CD226: variants seen among roughly 807,000 people sequenced by gnomAD.
The protein encoded by CD226 is CD226 molecule, also known as CD226 antigen.
A neutral mutation model predicts 34.9 loss-of-function variants in CD226; 24 were observed. The observed-to-expected ratio is 0.69, with a 90% CI of 0.50 to 0.97. The LOEUF is 0.97. Ranked by LOEUF, CD226 falls within the 50% of genes least tolerant of loss-of-function variation. CD226 has a pLI of 0.00. For missense variants in CD226, 397 were observed against 412.7 expected (o/e 0.96, Z 0.33); for synonymous variants, 148 against 147.4 (o/e 1.00, Z -0.03).
intron 2 of CD226, among the ~76,000 whole-genome samples, chr18:69,917,869 T>C (rs762388480): frequency 6.6e-6 from 1 of 152,198 alleles, no homozygotes; most frequent in African/African-American, 2.4e-5. Flanking sequence ...AGGGAAGTTA[T>C]AGTGAAGGAA....
chr18:69,953,033 A>G (rs1393464760), intron 1 of CD226, among the ~76,000 whole-genome samples: 3 of 152,224 alleles, frequency 2.0e-5, no homozygotes, highest in Non-Finnish European at 4.4e-5. Flanking sequence ...ATCTACTAGG[A>G]TGGACATAAT....
intron 2 of CD226, among the ~76,000 whole-genome samples, chr18:69,917,089 T>C (rs1237322884): frequency 1.3e-5 from 2 of 152,212 alleles, no homozygotes; most frequent in Non-Finnish European, 2.9e-5. Context: ...CAGGTGGTAA[T>C]GACAAGGGCC....
Position 69,855,118 on chromosome 18 carries a change from A to C in CD226, c.*9196T>G, listed in dbSNP as rs1599360730. 8.6e-6 allele frequency: 1 copy of C among 116,012 alleles called. No individual in the cohort carries two copies. The highest frequency in any genetic ancestry group is 3.3e-4 in the East Asian group (1 of 3,026). The allele number at this position is 116,012 out of a possible 1,614,324, so 7.2% of individuals were successfully genotyped here. ...ACACCAGATCTGGCTTGCAACAAAA[A>C]ATTCAAAAAAAATGTCAAAGAACGT... On this transcript the variant is annotated 3_prime_UTR_variant, in exon 6 of 6. Transcript: ENST00000582621.
Position 69,861,521 on chromosome 18 carries a change from C to T in CD226, c.*2793G>A, listed in dbSNP as rs2145165044. On this transcript the variant is annotated 3_prime_UTR_variant, in exon 6 of 6. Coordinates refer to ENST00000582621, the MANE Select transcript of CD226 (RefSeq NM_001303618.2). ...GAAGCATAGATTCTTAATGTATTATCCATCGATATAAATTATATGTGTATA... is the reference window on the plus strand; with the variant it reads ...GAAGCATAGATTCTTAATGTATTATTCATCGATATAAATTATATGTGTATA... 1 of 95,158 alleles carries T rather than the reference C, an allele frequency of 1.1e-5. No individual in the cohort carries two copies. The highest frequency in any genetic ancestry group is 3.6e-4 in the South Asian group (1 of 2,814). The allele number at this position is 95,158 out of a possible 1,614,324, so 5.9% of individuals were successfully genotyped here. A position where few individuals can be genotyped will look rare whatever the true frequency, so the allele number is the denominator to read the frequency against.
Position 69,895,701 on chromosome 18 carries a change from C to T in CD226, c.727G>A (p.Gly243Ser). 6.2e-7 allele frequency: 1 copy of T among 1,608,114 alleles called. No homozygotes were observed. The highest frequency in any genetic ancestry group is 1.1e-5 in the South Asian group (1 of 90,948). Residue 243 changes from glycine (G) to serine (S), a missense_variant and splice_region_variant, in exon 3 of 6, where the codon GGT becomes AGT. By Grantham distance (56) the Gly-to-Ser change is moderately conservative. Transcript: ENST00000582621. ...CAGAAGATGTCTGGTGCTCACTCAC[C>T]CTCGGCTACAGTCAATCTCATCACG... Reference protein sequence around the residue: ...TFVMRLTVAEGKTDNQYTLFV... With the variant: ...TFVMRLTVAESKTDNQYTLFV...
intron 3 of CD226, among the ~76,000 whole-genome samples, chr18:69,891,541 ATAT>A (rs1984904403): frequency 6.6e-6 from 1 of 152,220 alleles, no homozygotes; most frequent in African/African-American, 2.4e-5. Context: ...GGAAGAAGTA[ATAT>A]TATCTCTGTT....
intron 3 of CD226, among the ~76,000 whole-genome samples, chr18:69,886,614 A>C (rs1307210570): frequency 6.6e-6 from 1 of 152,046 alleles, no homozygotes. Flanking sequence ...GCTGAGGCAG[A>C]AGAATCGCTT....
chr18:69,944,773 C>G (rs934330339), intron 2 of CD226, among the ~76,000 whole-genome samples: 2 of 152,298 alleles, frequency 1.3e-5, no homozygotes, highest in African/African-American at 4.8e-5. Context: ...AACTTCCAAG[C>G]AGGATTTAAC....
At chr18:69,941,844 T>C (rs896409653) in intron 2 of CD226, among the ~76,000 whole-genome samples, 2 of 152,176 alleles carry the variant, frequency 1.3e-5, no homozygotes, top group African/African-American at 4.8e-5. Context: ...GGCAAAATGA[T>C]ATAATTTGGC....
chr18:69,876,191 A>G (rs1005205114), intron 3 of CD226, among the ~76,000 whole-genome samples: 2 of 152,250 alleles, frequency 1.3e-5, no homozygotes, highest in African/African-American at 4.8e-5. Context: ...AGGCAAATAC[A>G]GTACCAAAAA....
At chr18:69,873,290 A>G (rs1983657746) in intron 3 of CD226, 44 bp from the exon 4 acceptor site, 1 of 1,022,134 alleles carries the variant, frequency 9.8e-7, no homozygotes, top group Admixed American at 2.0e-5. Flanking sequence ...AATTCAGCCA[A>G]AGGCAGTAAA....
Position 69,946,853 on chromosome 18 carries a change from G to C in CD226, c.263C>G (p.Ser88Cys), listed in dbSNP as rs1568208618. ...RVYFLNSTMA[S>C]NNMTLFFRNA... ...CCGAAAGAAAAGAGTCATGTTATTG[G>C]AAGCCATCGTTGAATTCAAAAAGTA... Residue 88 changes from serine (S) to cysteine (C), a missense_variant, in exon 2 of 6, where the codon TCC (serine) becomes TGC (cysteine). By Grantham distance (112) the Ser-to-Cys change is moderately radical (BLOSUM62 -1). Coordinates refer to ENST00000582621, the MANE Select transcript of CD226 (RefSeq NM_001303618.2). 6.2e-7 allele frequency: 1 copy of C among 1,614,112 alleles called. No individual in the cohort carries two copies. The highest frequency in any genetic ancestry group is 8.5e-7 in the Non-Finnish European group (1 of 1,179,994).
At chr18:69,953,277 A>G (rs1196020752) in intron 1 of CD226, among the ~76,000 whole-genome samples, 2 of 152,244 alleles carry the variant, frequency 1.3e-5, no homozygotes, top group Non-Finnish European at 2.9e-5. Context: ...TTACAGCAGC[A>G]TTATTCACAA....
At chr18:69,919,740 G>A (rs2055428420) in intron 2 of CD226, among the ~76,000 whole-genome samples, 1 of 152,114 alleles carries the variant, frequency 6.6e-6, no homozygotes, top group Non-Finnish European at 1.5e-5. Context: ...ATAAATACTA[G>A]TACCAAGAGA....
intron 3 of CD226, among the ~76,000 whole-genome samples, chr18:69,880,000 C>T (rs538523633): frequency 2.6e-5 from 4 of 152,194 alleles, no homozygotes; most frequent in Admixed American, 1.3e-4. Context: ...GTCACCATAT[C>T]GATCTGTGAA....
intron 2 of CD226, among the ~76,000 whole-genome samples, chr18:69,902,752 T>C (rs932739513): frequency 2.0e-5 from 3 of 151,936 alleles, no homozygotes; most frequent in Admixed American, 2.0e-4. Flanking sequence ...TAACTTGTTC[T>C]TACGATGCTT....
chr18:69,885,304 CT>C (rs747337442), intron 3 of CD226, among the ~76,000 whole-genome samples: 20 of 152,036 alleles, frequency 1.3e-4, no homozygotes, highest in Non-Finnish European at 2.8e-4. Flanking sequence ...GGAAAATAAA[CT>C]TTTGTTTTTG....
At chr18:69,887,650 G>C (rs953406044) in intron 3 of CD226, among the ~76,000 whole-genome samples, 1 of 152,020 alleles carries the variant, frequency 6.6e-6, no homozygotes, top group Non-Finnish European at 1.5e-5. Context: ...ATCCAACTGA[G>C]AGTATTAACA....
chr18:69,913,786 A>C (rs1599003647), intron 2 of CD226, among the ~76,000 whole-genome samples: 1 of 152,316 alleles, frequency 6.6e-6, no homozygotes, highest in Admixed American at 6.5e-5. Flanking sequence ...TGAAATGCTA[A>C]GCCTGCATAT....
Sources: gnomAD v4.1 joint callset for allele counts (sites outside exome capture counted in the v4.1 genomes callset) on GRCh38, gnomAD v4.1.1 for gene constraint, MANE v1.5 for transcripts, NCBI Gene and HGNC (gene_info 2026-07-23, HGNC 2026-07-21) for gene names.